ANKFN1: variants seen among roughly 807,000 people sequenced by gnomAD.
ANKFN1 encodes the protein ankyrin repeat and fibronectin type III domain containing 1.
In ANKFN1, 74 loss-of-function variants were observed where a neutral mutation model predicts 108.7. That is an observed-to-expected ratio of 0.68 (90% CI 0.56 to 0.83). ANKFN1 has a LOEUF of 0.83. Among genes scored for constraint, ANKFN1 ranks in the 40% least tolerant of loss-of-function variants. ANKFN1 has a pLI of 0.00. For missense variants in ANKFN1, 1,505 were observed against 1,382.3 expected, an observed-to-expected ratio of 1.09 and a Z score of -1.41; for synonymous variants, 547 against 516.2, an observed-to-expected ratio of 1.06 and a Z score of -0.81.
chr17:56,238,693 C>G (rs1203380405), intron 3 of ANKFN1, among the ~76,000 whole-genome samples: 1 of 152,054 alleles, frequency 6.6e-6, no homozygotes, highest in Non-Finnish European at 1.5e-5. Context: ...TGAGATGGGT[C>G]TCATGAAGAC....
intron 3 of ANKFN1, among the ~76,000 whole-genome samples, chr17:56,230,937 A>T (rs185077243): frequency 6.6e-6 from 1 of 152,278 alleles, no homozygotes; most frequent in Non-Finnish European, 1.5e-5. Flanking sequence ...TGACTGCTCC[A>T]GAAAAAGAAG....
chr17:56,061,046 G>A (rs1221475715), intron 4 of ANKFN1, among the ~76,000 whole-genome samples: 4 of 152,146 alleles, frequency 2.6e-5, no homozygotes, highest in African/African-American at 9.7e-5. Flanking sequence ...GGATTTGGCT[G>A]TGAATCTGTC....
intron 3 of ANKFN1, among the ~76,000 whole-genome samples, chr17:56,298,536 C>A (rs2044582002): frequency 6.6e-6 from 1 of 152,184 alleles, no homozygotes; most frequent in Admixed American, 6.5e-5. Context: ...TTCTCAGCTT[C>A]GCTGCTTATT....
At chr17:56,145,867 C>A (rs1048643561) in intron 4 of ANKFN1, among the ~76,000 whole-genome samples, 3 of 152,184 alleles carry the variant, frequency 2.0e-5, no homozygotes, top group African/African-American at 7.2e-5. Flanking sequence ...GCCTTCCAAA[C>A]AATTGCCTGA....
intron 4 of ANKFN1, among the ~76,000 whole-genome samples, chr17:56,104,912 G>C (rs139257979): frequency 1.3e-5 from 2 of 152,292 alleles, no homozygotes; most frequent in Non-Finnish European, 2.9e-5. Context: ...GCTTTGCAAA[G>C]CCTCCTTCAG....
chr17:56,368,803 C>G (rs539337432), intron 6 of ANKFN1, among the ~76,000 whole-genome samples: 2 of 152,144 alleles, frequency 1.3e-5, no homozygotes, highest in Admixed American at 6.5e-5. Flanking sequence ...GTGGCACTTT[C>G]CCATTTTATT....
chr17:56,224,200 T>C (rs957471189), intron 2 of ANKFN1, among the ~76,000 whole-genome samples: 10 of 152,334 alleles, frequency 6.6e-5, no homozygotes, highest in African/African-American at 2.4e-4. Context: ...ATTATTTTTA[T>C]TGTCTGATCA....
At chr17:56,391,488 G>A (rs1195758614) in intron 8 of ANKFN1, among the ~76,000 whole-genome samples, 3 of 150,406 alleles carry the variant, frequency 2.0e-5, no homozygotes, top group Non-Finnish European at 3.0e-5. Context: ...GTGCAGTGGC[G>A]CTATCTCAGC....
chr17:56,241,177 G>A (rs1183541929), intron 3 of ANKFN1, among the ~76,000 whole-genome samples: 1 of 152,010 alleles, frequency 6.6e-6, no homozygotes, highest in Non-Finnish European at 1.5e-5. Flanking sequence ...TGGAGGCTGA[G>A]GCAGGAGGAT....
At chr17:56,412,332 A>C (rs1368856368) in intron 8 of ANKFN1, among the ~76,000 whole-genome samples, 2 of 151,976 alleles carry the variant, frequency 1.3e-5, no homozygotes, top group African/African-American at 4.8e-5. Context: ...CTCCTCTTTC[A>C]TTTCTGATTT....
At chr17:56,390,240 C>G (rs1228112227) in intron 8 of ANKFN1, among the ~76,000 whole-genome samples, 1 of 151,432 alleles carries the variant, frequency 6.6e-6, no homozygotes, top group Non-Finnish European at 1.5e-5. Context: ...ATGTTTCCCT[C>G]CCTGTGTCCA....
At chr17:56,427,685 A>G (rs1299651783) in intron 8 of ANKFN1, among the ~76,000 whole-genome samples, 2 of 152,082 alleles carry the variant, frequency 1.3e-5, no homozygotes, top group Non-Finnish European at 2.9e-5. Flanking sequence ...CCAATATCTC[A>G]CAGACTGTCT....
chr17:56,128,670 A>G (rs1907086629), intron 4 of ANKFN1, among the ~76,000 whole-genome samples: 1 of 152,204 alleles, frequency 6.6e-6, no homozygotes, highest in Admixed American at 6.5e-5. Context: ...AGTATTTCCC[A>G]AGGCAGTAGT....
At position 56,503,486 on chromosome 17, in the gene ANKFN1, CATATATATATATATATATATATATATAT is replaced by C. The variant is rs3052391; in HGVS notation, c.2644+4404_2644+4431del. 3.1e-3 allele frequency among the ~76,000 whole-genome samples: 252 copies of C among 81,530 alleles called. 9 individuals are homozygous for C. Among genetic ancestry groups the C allele is most frequent in the African/African-American group, 0.016 (226 of 13,870 alleles). 53.5% of individuals were successfully genotyped at this position (81,530 alleles called of 152,430 possible). The stretch of plus-strand genomic sequence containing the variant: ...AATAAATTCACTGAAGCACAAATTT[CATATATATATATATATATATATATATAT>C]ATATATATATATATAGACAGTGGTA... On this transcript the variant is annotated intron_variant, in intron 20 of 20. Coordinates refer to ENST00000682825, the MANE Select transcript of ANKFN1 (RefSeq NM_001370326.1).
intron 8 of ANKFN1, among the ~76,000 whole-genome samples, chr17:56,437,313 A>C (rs2048960742): frequency 6.6e-6 from 1 of 152,216 alleles, no homozygotes; most frequent in African/African-American, 2.4e-5. Flanking sequence ...GAAATTCTAA[A>C]GATCGTATCT....
chr17:56,150,738 G>T (rs1435212731), upstream of ANKFN1, among the ~76,000 whole-genome samples: 1 of 151,964 alleles, frequency 6.6e-6, no homozygotes, highest in African/African-American at 2.4e-5. Context: ...ATAACCCCAG[G>T]TTAGCCTCCT....
intron 3 of ANKFN1, among the ~76,000 whole-genome samples, chr17:56,275,872 A>G (rs909940886): frequency 6.6e-6 from 1 of 152,106 alleles, no homozygotes; most frequent in Non-Finnish European, 1.5e-5. Flanking sequence ...TATTACTATT[A>G]TTATTATACT....
chr17:56,434,970 A>G (rs749166780), intron 8 of ANKFN1, among the ~76,000 whole-genome samples: 2 of 152,182 alleles, frequency 1.3e-5, no homozygotes, highest in Non-Finnish European at 2.9e-5. Flanking sequence ...GTTCCATCGA[A>G]GAGCTGATAG....
chr17:56,297,350 T>C (rs1056096662), intron 3 of ANKFN1, among the ~76,000 whole-genome samples: 1 of 152,208 alleles, frequency 6.6e-6, no homozygotes, highest in African/African-American at 2.4e-5. Context: ...TTTAACTGTT[T>C]CTGTTGCTCA....
Sources: allele counts gnomAD v4.1 joint callset (sites outside exome capture counted in the v4.1 genomes callset), GRCh38; gene constraint gnomAD v4.1.1; transcripts MANE v1.5; gene names NCBI Gene and HGNC (gene_info 2026-07-23, HGNC 2026-07-21).